Variants in CSMD1 observed in about 807,000 individuals in gnomAD.
CSMD1 encodes CUB and Sushi multiple domains 1.
A neutral mutation model predicts 417.5 loss-of-function variants in CSMD1; 213 were observed. That is an observed-to-expected ratio of 0.51 (90% confidence interval 0.46 to 0.57). The LOEUF (loss-of-function observed/expected upper bound fraction) is 0.57. Ranked by LOEUF, CSMD1 falls within the 20% of genes least tolerant of loss-of-function variation. The pLI is 0.00. For synonymous variants in CSMD1, 2,862 were observed against 1,736.8 expected, an observed-to-expected ratio of 1.65 and a Z score of -16.11; for missense variants, 6,923 against 4,529.7, an observed-to-expected ratio of 1.53 and a Z score of -15.17.
intron 2 of CSMD1, among the ~76,000 whole-genome samples, chr8:4,528,267 A>G (rs186411242): frequency 2.0e-3 from 297 of 152,286 alleles, no homozygotes; most frequent in African/African-American, 6.7e-3. Flanking sequence ...CACAAGTCCA[A>G]TTAATCCCTA....
intron 3 of CSMD1, among the ~76,000 whole-genome samples, chr8:4,355,349 T>TA (rs770177335): frequency 1.3e-5 from 2 of 151,410 alleles, no homozygotes; most frequent in Non-Finnish European, 2.9e-5. Flanking sequence ...GTATATATGA[T>TA]ATATATACAC....
At chr8:3,463,796 G>C (rs1045792355) in intron 12 of CSMD1, among the ~76,000 whole-genome samples, 22 of 152,268 alleles carry the variant, frequency 1.4e-4, no homozygotes, top group Middle Eastern at 3.4e-3. Context: ...TGTCTCAAAA[G>C]TTCCGTCTGC....
intron 1 of CSMD1, among the ~76,000 whole-genome samples, chr8:4,773,987 G>C (rs1051850782): frequency 3.9e-5 from 6 of 152,164 alleles, no homozygotes; most frequent in African/African-American, 1.4e-4. Flanking sequence ...CCTCAGGTCA[G>C]GAGTTCAAGA....
At chr8:4,690,202 T>C (rs1806680908) in intron 1 of CSMD1, among the ~76,000 whole-genome samples, 2 of 152,228 alleles carry the variant, frequency 1.3e-5, no homozygotes, top group South Asian at 4.1e-4. Context: ...CAGTTTTTTC[T>C]CTTTGCATGA....
intron 26 of CSMD1, among the ~76,000 whole-genome samples, chr8:3,244,316 A>C (rs1799737305): frequency 6.6e-6 from 1 of 152,086 alleles, no homozygotes; most frequent in African/African-American, 2.4e-5. Context: ...AGGCTGCGGC[A>C]ATTTAGGAAT....
At chr8:4,684,167 A>C (rs928512668) in intron 1 of CSMD1, among the ~76,000 whole-genome samples, 3 of 152,234 alleles carry the variant, frequency 2.0e-5, no homozygotes, top group African/African-American at 7.2e-5. Flanking sequence ...GAATGCAAAA[A>C]CCTTAAATAC....
intron 5 of CSMD1, among the ~76,000 whole-genome samples, chr8:3,837,991 G>A (rs111835293): frequency 0.043 from 6,560 of 151,918 alleles, 203 homozygotes; most frequent in South Asian, 0.06. Flanking sequence ...CTGGCTTCTT[G>A]GACTTCTGAT....
chr8:4,051,945 G>C (rs912618500), intron 3 of CSMD1, among the ~76,000 whole-genome samples: 3 of 131,692 alleles, frequency 2.3e-5, no homozygotes, highest in African/African-American at 8.6e-5. Context: ...TTTCTTTCTT[G>C]ACAGAGTTTC....
intron 3 of CSMD1, among the ~76,000 whole-genome samples, chr8:4,362,051 G>A (rs757590238): frequency 3.7e-4 from 56 of 152,028 alleles, no homozygotes; most frequent in Admixed American, 3.3e-4. Flanking sequence ...GATACATAAG[G>A]AACCTGTGAA....
chr8:3,025,383 T>C (rs2128974160), intron 51 of CSMD1, among the ~76,000 whole-genome samples: 1 of 151,844 alleles, frequency 6.6e-6, no homozygotes, highest in East Asian at 1.9e-4. Flanking sequence ...TGAAACTGTG[T>C]ATTGTGTGGT....
intron 2 of CSMD1, among the ~76,000 whole-genome samples, chr8:4,567,755 A>G (rs181540763): frequency 6.6e-6 from 1 of 152,274 alleles, no homozygotes; most frequent in Non-Finnish European, 1.5e-5. Context: ...TTGCACTTAT[A>G]TTAAACTATT....
intron 6 of CSMD1, among the ~76,000 whole-genome samples, chr8:3,717,141 T>C (rs552143076): frequency 6.6e-6 from 1 of 152,328 alleles, no homozygotes; most frequent in South Asian, 2.1e-4. Flanking sequence ...TAACCACACC[T>C]TACACTTAAA....
At chr8:3,596,205 C>T (rs944981368) in intron 8 of CSMD1, among the ~76,000 whole-genome samples, 5 of 152,104 alleles carry the variant, frequency 3.3e-5, no homozygotes, top group Non-Finnish European at 5.9e-5. Flanking sequence ...CAGCCTGCAC[C>T]ACCGCCCCGG....
intron 1 of CSMD1, among the ~76,000 whole-genome samples, chr8:4,860,227 C>T (rs1349218162): frequency 1.6e-5 from 2 of 122,714 alleles, no homozygotes; most frequent in Non-Finnish European, 3.1e-5. Flanking sequence ...CACATGGACA[C>T]AGGAAGGGGA....
intron 1 of CSMD1, among the ~76,000 whole-genome samples, chr8:4,881,335 T>G (rs1039231348): frequency 6.6e-6 from 1 of 152,062 alleles, no homozygotes; most frequent in Non-Finnish European, 1.5e-5. Context: ...ACATAATAAC[T>G]AATATACTAT....
intron 2 of CSMD1, among the ~76,000 whole-genome samples, chr8:4,463,358 T>A (rs1799958379): frequency 6.6e-6 from 1 of 152,178 alleles, no homozygotes; most frequent in Admixed American, 6.5e-5. Context: ...GTGCGTCTAT[T>A]TTGTAAAATA....
At chr8:3,008,272 G>C (rs776808931) in intron 52 of CSMD1, among the ~76,000 whole-genome samples, 4 of 152,218 alleles carry the variant, frequency 2.6e-5, no homozygotes, top group African/African-American at 4.8e-5. Context: ...AGGGCAGAAA[G>C]TGGCTGAATT....
At chr8:4,385,580 G>C (rs139273913) in intron 3 of CSMD1, among the ~76,000 whole-genome samples, 3 of 152,072 alleles carry the variant, frequency 2.0e-5, no homozygotes, top group Admixed American at 6.5e-5. Context: ...TTGTTTTTAA[G>C]GAGTAAGAAT....
rs73500054 is a variant in CSMD1 at position 3,266,306 on chromosome 8, C to G, written c.4153+17838G>C. ...GTAGCACCACAGTTCTGCAAGGGGCCGTTTAAGAGAACCACCCGGCCGGGC... is the reference window on the plus strand; with the variant it reads ...GTAGCACCACAGTTCTGCAAGGGGCGGTTTAAGAGAACCACCCGGCCGGGC... On this transcript the variant is annotated intron_variant, in intron 26 of 69. Transcript: ENST00000635120. Among the ~76,000 whole-genome samples, 4 of 151,196 alleles carry G rather than the reference C, an allele frequency of 2.6e-5. No homozygotes were observed. The South Asian group carries it at 8.4e-4, about 32-fold the overall frequency.
Sources: allele counts gnomAD v4.1 joint callset (sites outside exome capture counted in the v4.1 genomes callset), GRCh38; gene constraint gnomAD v4.1.1; transcripts MANE v1.5; gene names NCBI Gene and HGNC (gene_info 2026-07-23, HGNC 2026-07-21).